Variants in CDC42BPA observed in about 807,000 individuals in gnomAD.
CDC42BPA encodes the protein CDC42 binding protein kinase alpha.
CDC42BPA carries 80 observed loss-of-function variants against 223.5 expected under a neutral mutation model. The ratio of observed to expected loss-of-function variants is 0.36; its 90% confidence interval spans 0.30 to 0.43. The LOEUF (loss-of-function observed/expected upper bound fraction) is 0.43, where lower values mean the gene tolerates loss of function less well. Ranked by LOEUF, CDC42BPA falls within the 20% of genes least tolerant of loss-of-function variation. The pLI is 1.00. For missense variants in CDC42BPA, 1,743 were observed against 2,099.9 expected (o/e 0.83, Z 3.32); for synonymous variants, 694 against 718.6 (o/e 0.97, Z 0.55).
chr1:227,015,987 A>T, intron 34 of CDC42BPA, 93 bp downstream of exon 34: 2 of 706,080 alleles, frequency 2.8e-6, no homozygotes, highest in South Asian at 3.5e-5. Context: ...TTACTTTCAC[A>T]TATCCTTTGA....
At chr1:227,199,426 GAAC>G in intron 4 of CDC42BPA, 128 bp downstream of exon 4, 2 of 549,110 alleles carry the variant, frequency 3.6e-6, no homozygotes, top group Non-Finnish European at 6.3e-6. Context: ...CATATCAAGT[GAAC>G]AACTTACCCT....
At chr1:227,011,039 G>T (rs1442548034) in intron 34 of CDC42BPA, 11 of 1,353,984 alleles carry the variant, frequency 8.1e-6, no homozygotes, top group Non-Finnish European at 9.8e-6. Context: ...GAGTGATGAT[G>T]AGGGGATGGA....
chr1:227,181,804 C>T (rs948582634), intron 5 of CDC42BPA, among the ~76,000 whole-genome samples: 1 of 152,112 alleles, frequency 6.6e-6, no homozygotes, highest in Non-Finnish European at 1.5e-5. Context: ...TTGGGCACAA[C>T]TATGAAGTAG....
chr1:227,239,350 A>T (rs927810305), intron 2 of CDC42BPA, among the ~76,000 whole-genome samples: 1 of 152,224 alleles, frequency 6.6e-6, no homozygotes, highest in Non-Finnish European at 1.5e-5. Flanking sequence ...TGGCAGATAC[A>T]TAACATACAT....
At chr1:227,290,776 A>T (rs1689562827) in intron 1 of CDC42BPA, among the ~76,000 whole-genome samples, 1 of 152,224 alleles carries the variant, frequency 6.6e-6, no homozygotes, top group Admixed American at 6.5e-5. Flanking sequence ...ACACACAGTA[A>T]CACTGGCCCA....
At chr1:227,197,602 T>C (rs1479549271) in intron 4 of CDC42BPA, among the ~76,000 whole-genome samples, 4 of 152,178 alleles carry the variant, frequency 2.6e-5, no homozygotes, top group Non-Finnish European at 5.9e-5. Flanking sequence ...TTTTTTGCTA[T>C]ATAAAATTTG....
At chr1:227,313,085 CATAAA>C (rs1405470542) in intron 1 of CDC42BPA, among the ~76,000 whole-genome samples, 6 of 151,976 alleles carry the variant, frequency 3.9e-5, no homozygotes, top group African/African-American at 1.4e-4. Context: ...TAAAGCAATA[CATAAA>C]ATAAAAAGAG....
chr1:227,040,181 T>C lies in CDC42BPA; in HGVS notation c.3149A>G (p.Gln1050Arg). The change falls in exon 24 of 37, where the codon CAG becomes CGG. Residue 1050 changes from glutamine to arginine, a missense_variant. Gln to Arg is a conservative substitution (Grantham distance 43, BLOSUM62 1). This residue lies in a region of CDC42BPA where 678 missense variants were observed against 777.5 expected (regional missense o/e 0.87). Transcript: ENST00000366766. ...KSFTTPTKCH[Q>R]CTSLMVGLIR... ...TAAACCCACCATCAAGGAGGTACACTGATGACACTTGGTAGGAGTAGTAAA... is the reference window on the plus strand; with the variant it reads ...TAAACCCACCATCAAGGAGGTACACCGATGACACTTGGTAGGAGTAGTAAA... 6.2e-7 allele frequency: 1 copy of C among 1,613,398 alleles called. No homozygotes were observed. The highest frequency in any genetic ancestry group is 8.5e-7 in the Non-Finnish European group (1 of 1,179,456).
At chr1:227,293,215 G>A (rs1197323346) in intron 1 of CDC42BPA, among the ~76,000 whole-genome samples, 1 of 152,106 alleles carries the variant, frequency 6.6e-6, no homozygotes, top group Non-Finnish European at 1.5e-5. Flanking sequence ...CACAGTCCCT[G>A]CTCTAGTAAG....
intron 3 of CDC42BPA, among the ~76,000 whole-genome samples, chr1:227,204,810 G>C (rs543035882): frequency 6.6e-6 from 1 of 152,142 alleles, no homozygotes; most frequent in African/African-American, 2.4e-5. Flanking sequence ...TTGACAGTTT[G>C]ACACTTCATC....
At chr1:227,152,931 A>G (rs1475275648) in intron 6 of CDC42BPA, among the ~76,000 whole-genome samples, 2 of 152,208 alleles carry the variant, frequency 1.3e-5, no homozygotes, top group East Asian at 3.9e-4. Flanking sequence ...AGTAATATCA[A>G]TTAAATATAT....
chr1:227,111,459 G>T (rs1459920069), intron 14 of CDC42BPA, among the ~76,000 whole-genome samples: 2 of 152,024 alleles, frequency 1.3e-5, no homozygotes, highest in Admixed American at 6.6e-5. Flanking sequence ...TTTTATAGAG[G>T]AGAAAATTAA....
chr1:226,994,993 A>G lies in CDC42BPA; in HGVS notation c.4976-13T>C. ...TGTGCGGATGACCCTACAGTACATC[A>G]TGCAGGCAAAATTTTACATATGCAG... On this transcript the variant is annotated splice_polypyrimidine_tract_variant and intron_variant, in intron 35 of 36. Coordinates refer to ENST00000366766, the MANE Select transcript of CDC42BPA (RefSeq NM_001394014.1). This position sits in a 1 kb window ranked among gnomAD's most constrained non-coding sequence, Gnocchi z 4.0. 6.2e-7 allele frequency: 1 copy of G among 1,607,460 alleles called. No individual in the cohort carries two copies. The highest frequency in any genetic ancestry group is 1.1e-5 in the South Asian group (1 of 90,370).
At chr1:227,120,254 C>T (rs1688431637) in intron 11 of CDC42BPA, among the ~76,000 whole-genome samples, 1 of 151,642 alleles carries the variant, frequency 6.6e-6, no homozygotes, top group Admixed American at 6.6e-5. Flanking sequence ...ATAAAACCAA[C>T]CAAAAAAAGG....
At chr1:227,258,441 A>C (rs1276547646) in intron 1 of CDC42BPA, among the ~76,000 whole-genome samples, 2 of 150,842 alleles carry the variant, frequency 1.3e-5, no homozygotes, top group African/African-American at 5.0e-5. Context: ...CAGAACAATA[A>C]ATATTAACAA....
At chr1:227,038,924 C>A (rs150813146) in intron 24 of CDC42BPA, among the ~76,000 whole-genome samples, 9 of 152,234 alleles carry the variant, frequency 5.9e-5, no homozygotes, top group African/African-American at 2.2e-4. Context: ...TTCTAGAGAG[C>A]CAAACGATGA....
At chr1:226,997,906 A>AAG (rs1661968696) in intron 35 of CDC42BPA, among the ~76,000 whole-genome samples, 1 of 152,238 alleles carries the variant, frequency 6.6e-6, no homozygotes, top group Non-Finnish European at 1.5e-5. Flanking sequence ...TGGTGCTGAG[A>AAG]AGAATGTATA....
chr1:226,998,259 A>G (rs1441257460), intron 35 of CDC42BPA, among the ~76,000 whole-genome samples: 1 of 152,234 alleles, frequency 6.6e-6, no homozygotes, highest in Non-Finnish European at 1.5e-5. Context: ...CCATCAAGCT[A>G]CCAATGATTT....
chr1:227,095,202 T>G (rs1683764598), intron 15 of CDC42BPA, among the ~76,000 whole-genome samples: 1 of 152,226 alleles, frequency 6.6e-6, no homozygotes, highest in Non-Finnish European at 1.5e-5. Flanking sequence ...GTATACTTAA[T>G]AACATCTATT....
Sources: gnomAD v4.1 joint callset for allele counts (sites outside exome capture counted in the v4.1 genomes callset) on GRCh38, gnomAD v4.1.1 for gene constraint, gnomAD v4.1.1 regional missense constraint, Gnocchi (gnomAD v3.1) non-coding constraint, MANE v1.5 for transcripts, NCBI Gene and HGNC (gene_info 2026-07-23, HGNC 2026-07-21) for gene names.